The following DPF3 variants were observed in gnomAD, a reference collection of about 807,000 sequenced individuals.
DPF3 encodes the protein zinc finger protein DPF3.
Under a neutral mutation model 56.8 loss-of-function variants are expected in DPF3, and 18 were observed. That is an observed-to-expected ratio of 0.32 (90% CI 0.22 to 0.47). DPF3 has a LOEUF of 0.47. Ranked by LOEUF, DPF3 falls within the 20% of genes least tolerant of loss-of-function variation. DPF3 has a pLI of 1.00. For missense variants in DPF3, 403 were observed against 488.8 expected (o/e 0.82, Z 1.65); for synonymous variants, 188 against 180.2 (o/e 1.04, Z -0.35).
chr14:72,631,913 T>TC (rs1885192597), intron 8 of DPF3, among the ~76,000 whole-genome samples: 3 of 152,204 alleles, frequency 2.0e-5, no homozygotes, highest in Admixed American at 6.5e-5. Flanking sequence ...TAAGCTGATA[T>TC]GTGTCAGATG....
At chr14:72,650,200 C>T (rs1885866653) in intron 8 of DPF3, among the ~76,000 whole-genome samples, 1 of 152,084 alleles carries the variant, frequency 6.6e-6, no homozygotes, top group Non-Finnish European at 1.5e-5. Context: ...ATTAGCTACC[C>T]AGCCGTGGTA....
chr14:72,705,514 G>A (rs181592995), intron 6 of DPF3, among the ~76,000 whole-genome samples: 32 of 152,214 alleles, frequency 2.1e-4, no homozygotes, highest in East Asian at 5.8e-4. Context: ...CCCCTGGTCC[G>A]TGGAAAAATT....
At chr14:72,809,954 G>T (rs182865749) in intron 1 of DPF3, among the ~76,000 whole-genome samples, 67 of 152,318 alleles carry the variant, frequency 4.4e-4, no homozygotes, top group African/African-American at 1.6e-3. Flanking sequence ...ATATAAAAGC[G>T]TCTGCTTCTT....
chr14:72,656,492 T>C (rs1336727763), intron 8 of DPF3, among the ~76,000 whole-genome samples: 1 of 152,242 alleles, frequency 6.6e-6, no homozygotes, highest in Non-Finnish European at 1.5e-5. Context: ...TGATGACCAC[T>C]GTCATCACCT....
chr14:72,879,801 T>C, intron 1 of DPF3: 1 of 1,534,146 alleles, frequency 6.5e-7, no homozygotes, highest in Non-Finnish European at 8.7e-7. Flanking sequence ...CTGAGGTTCT[T>C]ACCCTAGAGC....
In DPF3 at chr14:72,610,117, G is replaced by T. The variant is rs572466674; in HGVS notation, c.*9180C>A. Among the ~76,000 whole-genome samples, 1 of 152,360 alleles carries T rather than the reference G, an allele frequency of 6.6e-6. No individual in the cohort carries two copies. The highest frequency in any genetic ancestry group is 1.9e-4 in the East Asian group (1 of 5,190). ...CATTTTGGAATGATGGGGATAAAAT[G>T]TTGCAGTGGCTTCCCTCTCTGGTGC... On this transcript the variant is annotated 3_prime_UTR_variant, in exon 11 of 11. Coordinates refer to ENST00000556509, the MANE Select transcript of DPF3 (RefSeq NM_001280542.3).
At chr14:72,747,458 T>C (rs1326882346) in intron 3 of DPF3, among the ~76,000 whole-genome samples, 1 of 152,004 alleles carries the variant, frequency 6.6e-6, no homozygotes, top group Non-Finnish European at 1.5e-5. Context: ...GGCAGCCCCC[T>C]CACTTACCCT....
intron 1 of DPF3, among the ~76,000 whole-genome samples, chr14:72,883,173 A>C (rs749427379): frequency 2.6e-5 from 4 of 152,224 alleles, no homozygotes; most frequent in Admixed American, 6.5e-5. Flanking sequence ...GGAAAGTTGC[A>C]GGGCCAAGTA....
chr14:72,657,345 A>G (rs1173122138), intron 8 of DPF3, among the ~76,000 whole-genome samples: 1 of 152,232 alleles, frequency 6.6e-6, no homozygotes, highest in African/African-American at 2.4e-5. Context: ...AATATTAGTC[A>G]TGATGTCCAC....
At chr14:72,760,652 G>C (rs1216881738) in intron 2 of DPF3, among the ~76,000 whole-genome samples, 1 of 152,010 alleles carries the variant, frequency 6.6e-6, no homozygotes, top group East Asian at 1.9e-4. Flanking sequence ...AATTAAAGAT[G>C]TACACTATAA....
At position 72,671,263 on chromosome 14, in the gene DPF3, G is replaced by C. The variant is rs748343389; in HGVS notation, c.871+2977C>G. On this transcript the variant is annotated intron_variant, in intron 8 of 10. Transcript: ENST00000556509. ...AGTTGACGTGTCACTTTCTGACGTGGAACCGAATAAGTCCTCCGTGGTACG... is the reference window on the plus strand; with the variant it reads ...AGTTGACGTGTCACTTTCTGACGTGCAACCGAATAAGTCCTCCGTGGTACG... 3.7e-6 allele frequency: 6 copies of C among 1,613,952 alleles called. No individual in the cohort carries two copies. In the South Asian group the frequency reaches 6.6e-5, roughly 18 times the overall value.
At chr14:72,650,389 G>C (rs932596543) in intron 8 of DPF3, among the ~76,000 whole-genome samples, 1 of 152,208 alleles carries the variant, frequency 6.6e-6, no homozygotes, top group Non-Finnish European at 1.5e-5. Context: ...CTGGATAAAG[G>C]GATCAGCTGA....
At chr14:72,883,906 G>C (rs555017260) in intron 1 of DPF3, among the ~76,000 whole-genome samples, 1 of 137,844 alleles carries the variant, frequency 7.3e-6, no homozygotes, top group East Asian at 2.1e-4. Flanking sequence ...CAGCCTAGGC[G>C]ACAGAGTGAG....
chr14:72,867,610 A>G (rs750105663), intron 1 of DPF3, among the ~76,000 whole-genome samples: 10 of 152,234 alleles, frequency 6.6e-5, no homozygotes, highest in Non-Finnish European at 8.8e-5. Context: ...ATCACACTGC[A>G]AAGTCTGAAC....
chr14:72,695,656 C>T (rs1887869669), intron 6 of DPF3, among the ~76,000 whole-genome samples: 1 of 152,006 alleles, frequency 6.6e-6, no homozygotes, highest in South Asian at 2.1e-4. Context: ...TGGGTACACA[C>T]AGACGTAAAG....
chr14:72,679,040 G>A (rs1887038343), intron 7 of DPF3, among the ~76,000 whole-genome samples: 1 of 152,210 alleles, frequency 6.6e-6, no homozygotes, highest in African/African-American at 2.4e-5. Context: ...GCTCAGGGAA[G>A]CGAGAGCAGG....
intron 6 of DPF3, among the ~76,000 whole-genome samples, chr14:72,697,548 C>G (rs1017590424): frequency 6.6e-6 from 1 of 152,030 alleles, no homozygotes; most frequent in Non-Finnish European, 1.5e-5. Context: ...AGAGGTGGAG[C>G]GGTGGGGGTG....
At chr14:72,633,907 A>G (rs888223053) in intron 8 of DPF3, among the ~76,000 whole-genome samples, 1 of 152,176 alleles carries the variant, frequency 6.6e-6, no homozygotes, top group African/African-American at 2.4e-5. Context: ...ATTTTCTGGG[A>G]TAGCTTTGGA....
chr14:72,613,129 G>A lies in DPF3; in HGVS notation c.*6168C>T, dbSNP rs183442944. Among the ~76,000 whole-genome samples, 8 of 152,216 alleles carry A rather than the reference G, an allele frequency of 5.3e-5. No homozygotes were observed. Among genetic ancestry groups the A allele is most frequent in the East Asian group, 1.9e-4 (1 of 5,176 alleles). ...ATGAAGAACAGAGATGCAGAGAGGC[G>A]AGCAAATGAGCAAATGGGATGCAGT... On this transcript the variant is annotated 3_prime_UTR_variant, in exon 11 of 11. Coordinates refer to ENST00000556509, the MANE Select transcript of DPF3 (RefSeq NM_001280542.3).
Sources: gnomAD v4.1 joint callset for allele counts (sites outside exome capture counted in the v4.1 genomes callset) on GRCh38, gnomAD v4.1.1 for gene constraint, MANE v1.5 for transcripts, NCBI Gene and HGNC (gene_info 2026-07-23, HGNC 2026-07-21) for gene names.